SENP7: variants seen among roughly 807,000 people sequenced by gnomAD.
The protein encoded by SENP7 is sentrin-specific protease 7.
Under a neutral mutation model 141.2 loss-of-function variants are expected in SENP7, and 64 were observed. The ratio of observed to expected loss-of-function variants is 0.45; its 90% CI spans 0.37 to 0.56. The LOEUF (loss-of-function observed/expected upper bound fraction) is 0.56, where lower values mean the gene tolerates loss of function less well. SENP7 is among the 20% of genes least tolerant of loss of function. SENP7 has a pLI of 0.00. For synonymous variants in SENP7, 382 were observed against 426.4 expected (o/e 0.90, Z 1.28); for missense variants, 1,025 against 1,212.2 (o/e 0.85, Z 2.29).
intron 6 of SENP7, among the ~76,000 whole-genome samples, chr3:101,373,394 C>CA (rs1247387293): frequency 1.3e-5 from 2 of 151,434 alleles, no homozygotes; most frequent in African/African-American, 4.8e-5. Context: ...AAAGAGAAGT[C>CA]AAAAAAAATT....
chr3:101,368,123 A>T, intron 7 of SENP7, 112 bp from the exon 8 acceptor site: 1 of 760,772 alleles, frequency 1.3e-6, no homozygotes, highest in South Asian at 1.9e-5. Context: ...AAAGCTCATT[A>T]AAACAGAAAT....
At chr3:101,358,562 A>G (rs1240297071) in intron 11 of SENP7, 3 of 236,744 alleles carry the variant, frequency 1.3e-5, no homozygotes, top group Admixed American at 4.8e-5. Context: ...CTTATTACAC[A>G]TAATTCATAC....
chr3:101,407,489 A>G (rs769736960), intron 5 of SENP7, among the ~76,000 whole-genome samples: 7 of 152,184 alleles, frequency 4.6e-5, no homozygotes, highest in Non-Finnish European at 5.9e-5. Context: ...TATATGTTCT[A>G]TTCAACAGCA....
chr3:101,389,259 T>A (rs533099545), intron 6 of SENP7, among the ~76,000 whole-genome samples: 2 of 152,296 alleles, frequency 1.3e-5, no homozygotes, highest in Non-Finnish European at 2.9e-5. Context: ...CACCTCAGCC[T>A]TCAAATCCAG....
chr3:101,488,057 T>C (rs911979507), intron 3 of SENP7, among the ~76,000 whole-genome samples: 2 of 152,152 alleles, frequency 1.3e-5, no homozygotes, highest in African/African-American at 2.4e-5. Context: ...GGCAGTATGG[T>C]CATTTTTGTG....
At chr3:101,507,655 T>C (rs1363274638) in intron 1 of SENP7, among the ~76,000 whole-genome samples, 2 of 120,934 alleles carry the variant, frequency 1.7e-5, no homozygotes, top group Non-Finnish European at 3.6e-5. Flanking sequence ...TTGTTTCCTT[T>C]GGGGGGAAGA....
At chr3:101,344,371 T>G (rs1047091393) in intron 13 of SENP7, among the ~76,000 whole-genome samples, 2 of 152,234 alleles carry the variant, frequency 1.3e-5, no homozygotes, top group African/African-American at 4.8e-5. Flanking sequence ...TCTGAAGACA[T>G]TCTCTTCCCA....
At chr3:101,446,775 G>C (rs2062913331) in intron 4 of SENP7, among the ~76,000 whole-genome samples, 1 of 152,076 alleles carries the variant, frequency 6.6e-6, no homozygotes, top group Non-Finnish European at 1.5e-5. Flanking sequence ...GCAGTGTTGA[G>C]AGAGAAATGC....
At chr3:101,512,110 G>A (rs555978163) in intron 1 of SENP7, among the ~76,000 whole-genome samples, 19 of 152,242 alleles carry the variant, frequency 1.2e-4, no homozygotes, top group African/African-American at 4.3e-4. Flanking sequence ...GTGAGCCACC[G>A]CGCCCGGCCA....
intron 3 of SENP7, among the ~76,000 whole-genome samples, chr3:101,488,364 A>G (rs150456396): frequency 6.6e-6 from 1 of 152,322 alleles, no homozygotes; most frequent in Admixed American, 6.5e-5. Context: ...TCTTCATCAG[A>G]GTCTTCAGAG....
intron 3 of SENP7, among the ~76,000 whole-genome samples, chr3:101,478,548 A>C (rs1484532702): frequency 6.6e-6 from 1 of 152,122 alleles, no homozygotes; most frequent in Non-Finnish European, 1.5e-5. Flanking sequence ...AAAAGGTTGA[A>C]TAATAAAAAG....
At chr3:101,437,313 T>C (rs1435933753) in intron 4 of SENP7, among the ~76,000 whole-genome samples, 3 of 152,156 alleles carry the variant, frequency 2.0e-5, no homozygotes, top group African/African-American at 7.2e-5. Flanking sequence ...GATAGTACAA[T>C]AGAGTAATAT....
At chr3:101,389,183 G>A (rs1174830261) in intron 6 of SENP7, among the ~76,000 whole-genome samples, 3 of 152,068 alleles carry the variant, frequency 2.0e-5, no homozygotes, top group African/African-American at 7.2e-5. Context: ...AGCCACCCAA[G>A]CTAGAGTAGA....
At chr3:101,504,733 A>T (rs572631451) in intron 1 of SENP7, among the ~76,000 whole-genome samples, 24 of 152,358 alleles carry the variant, frequency 1.6e-4, no homozygotes, top group African/African-American at 5.8e-4. Context: ...ATCTTCAGTG[A>T]AACAACTCAG....
At chr3:101,327,135 T>C (rs1002128907) in intron 23 of SENP7, among the ~76,000 whole-genome samples, 2 of 152,124 alleles carry the variant, frequency 1.3e-5, no homozygotes, top group East Asian at 1.9e-4. Flanking sequence ...ATCTGCCAAT[T>C]ACAGTATCTG....
At chr3:101,387,049 G>A (rs2060675600) in intron 6 of SENP7, among the ~76,000 whole-genome samples, 2 of 151,696 alleles carry the variant, frequency 1.3e-5, no homozygotes, top group South Asian at 2.1e-4. Context: ...CACCATACAG[G>A]GGACTGAGTA....
chr3:101,494,991 A>G (rs2065107477), intron 2 of SENP7, among the ~76,000 whole-genome samples: 1 of 152,154 alleles, frequency 6.6e-6, no homozygotes. Flanking sequence ...AAGAGTGAAC[A>G]GACAACCTAC....
chr3:101,363,436 T>C (rs2059952515), intron 10 of SENP7, among the ~76,000 whole-genome samples: 1 of 152,204 alleles, frequency 6.6e-6, no homozygotes, highest in Non-Finnish European at 1.5e-5. Context: ...TTCTGCCTTA[T>C]ATGTCTTTGT....
At chr3:101,496,986 C>T (rs1368197113) in intron 2 of SENP7, among the ~76,000 whole-genome samples, 1 of 152,196 alleles carries the variant, frequency 6.6e-6, no homozygotes, top group Non-Finnish European at 1.5e-5. Flanking sequence ...AGGGAAAAGG[C>T]AGTAATATAA....
Sources: gnomAD v4.1 joint callset for allele counts (sites outside exome capture counted in the v4.1 genomes callset) on GRCh38, gnomAD v4.1.1 for gene constraint, MANE v1.5 for transcripts, NCBI Gene and HGNC (gene_info 2026-07-23, HGNC 2026-07-21) for gene names.